SLC17A8: variants seen among roughly 807,000 people sequenced by gnomAD.
SLC17A8 encodes the protein solute carrier family 17 member 8.
In SLC17A8, 31 loss-of-function variants were observed where a neutral mutation model predicts 58.0. That is an observed-to-expected ratio of 0.53 (90% CI 0.40 to 0.72). The LOEUF is 0.72. Ranked by LOEUF, SLC17A8 falls within the 30% of genes least tolerant of loss-of-function variation. SLC17A8 has a pLI of 0.00. For missense variants in SLC17A8, 655 were observed against 727.8 expected, an observed-to-expected ratio of 0.90 and a Z score of 1.15; for synonymous variants, 228 against 249.0, an observed-to-expected ratio of 0.92 and a Z score of 0.79.
At chr12:100,396,522 G>C (rs1952755453) in intron 5 of SLC17A8, 105 bp downstream of exon 5, 1 of 829,036 alleles carries the variant, frequency 1.2e-6, no homozygotes, top group Non-Finnish European at 2.0e-6. Flanking sequence ...GCCGAGGCAG[G>C]AGGATCCCTG....
intron 1 of SLC17A8, among the ~76,000 whole-genome samples, chr12:100,372,472 C>G (rs1486462590): frequency 3.3e-5 from 5 of 152,154 alleles, no homozygotes; most frequent in African/African-American, 1.2e-4. Context: ...CTCAGCCTCC[C>G]AAGTAGCTGG....
intron 2 of SLC17A8, among the ~76,000 whole-genome samples, chr12:100,386,500 A>G (rs1441741757): frequency 6.6e-6 from 1 of 151,546 alleles, no homozygotes; most frequent in Non-Finnish European, 1.5e-5. Context: ...CCATCATTCT[A>G]CTCTTCAAGT....
intron 1 of SLC17A8, among the ~76,000 whole-genome samples, chr12:100,361,830 A>C (rs1372542655): frequency 6.6e-6 from 1 of 152,124 alleles, no homozygotes; most frequent in Non-Finnish European, 1.5e-5. Context: ...GCATAGAGGC[A>C]TGTGCCTATA....
intron 8 of SLC17A8, 30 bp from the exon 9 acceptor site, chr12:100,404,008 C>T (rs1952809228): frequency 6.8e-6 from 11 of 1,613,698 alleles, no homozygotes; most frequent in Non-Finnish European, 9.3e-6. Flanking sequence ...GAAATAATGA[C>T]AAACTGCTTA....
At chr12:100,419,519 C>T (rs7967701) in intron 11 of SLC17A8, among the ~76,000 whole-genome samples, 368 of 145,352 alleles carry the variant, frequency 2.5e-3, no homozygotes, top group African/African-American at 9.0e-3. Context: ...GGTGACAGAG[C>T]GAGACTCCAT....
At position 100,420,336 on chromosome 12, in the gene SLC17A8, C is replaced by A. The variant is rs545750423; in HGVS notation, c.*177C>A. 2 of 604,380 alleles carry A rather than the reference C, an allele frequency of 3.3e-6. No individual in the cohort carries two copies. Among genetic ancestry groups the A allele is most frequent in the Non-Finnish European group, 2.9e-6 (1 of 341,724 alleles). 37.4% of individuals were successfully genotyped at this position (604,380 alleles called of 1,614,324 possible). ...AATGACATGTATAGGTAAGGAGCTG[C>A]GCTCAGTTGATAACATAGTTGATAA... On this transcript the variant is annotated 3_prime_UTR_variant, in exon 12 of 12. Transcript: ENST00000323346.
At chr12:100,419,571 G>A (rs1952932192) in intron 11 of SLC17A8, among the ~76,000 whole-genome samples, 2 of 151,598 alleles carry the variant, frequency 1.3e-5, no homozygotes, top group East Asian at 1.9e-4. Context: ...AAAAAAATAC[G>A]TATTTATTGT....
At position 100,357,463 on chromosome 12, in the gene SLC17A8, C is replaced by T. The variant is rs763925129; in HGVS notation, c.72C>T (p.Ala24=). ...LKPGKEGVKN[A]VGDSLGILQR... ...CTGGGAAGGAAGGAGTGAAGAACGC[C>T]GTGGGAGATTCTTTGGGAATTTTAC... The change falls in exon 1 of 12, where the codon GCC becomes GCT. Residue 24 remains alanine, a synonymous_variant. Coordinates refer to ENST00000323346, the MANE Select transcript of SLC17A8 (RefSeq NM_139319.3). 3.7e-6 allele frequency: 6 copies of T among 1,613,370 alleles called. No individual in the cohort carries two copies. The highest frequency in any genetic ancestry group is 1.1e-5 in the South Asian group (1 of 91,056).
intron 1 of SLC17A8, among the ~76,000 whole-genome samples, chr12:100,367,711 T>C (rs114786442): frequency 0.013 from 2,012 of 152,130 alleles, 50 homozygotes; most frequent in African/African-American, 0.041. Context: ...CCACCATGCT[T>C]GGCTAATTTT....
rs113473865 is a variant in SLC17A8 at position 100,410,419 on chromosome 12, C to T, written c.1187-2351C>T. Reference sequence around the variant, plus strand: ...CTGAGGCAGGAGAAGGGCACGAACCCGGGAGGCAGAGCTTGCAGTGAGCCA... The same window carrying T: ...CTGAGGCAGGAGAAGGGCACGAACCTGGGAGGCAGAGCTTGCAGTGAGCCA... On this transcript the variant is annotated intron_variant, in intron 9 of 11. Coordinates refer to ENST00000323346, the MANE Select transcript of SLC17A8 (RefSeq NM_139319.3). Among the ~76,000 whole-genome samples the T allele has an allele frequency of 4.4e-3, 674 of 151,506 alleles. 4 individuals are homozygous for T. Among genetic ancestry groups the T allele is most frequent in the Middle Eastern group, 0.01 (3 of 294 alleles).
At chr12:100,377,585 ATTTTTTTTTTTTTTTT>A (rs35397911) in intron 1 of SLC17A8, among the ~76,000 whole-genome samples, 1 of 84,034 alleles carries the variant, frequency 1.2e-5, no homozygotes, top group Non-Finnish European at 2.2e-5. Flanking sequence ...ATATATATAT[ATTTTTTTTTTTTTTTT>A]TTTTTTTGAG....
At chr12:100,394,017 C>A (rs534001424) in intron 4 of SLC17A8, among the ~76,000 whole-genome samples, 1 of 152,166 alleles carries the variant, frequency 6.6e-6, no homozygotes, top group Non-Finnish European at 1.5e-5. Flanking sequence ...GGCATGGCTA[C>A]GTTCCAATTA....
chr12:100,401,891 A>G, intron 6 of SLC17A8, 28 bp downstream of exon 6: 3 of 1,540,674 alleles, frequency 1.9e-6, no homozygotes, highest in Non-Finnish European at 2.7e-6. Flanking sequence ...ACAAGTTCAC[A>G]TGTGACTCAT....
intron 2 of SLC17A8, among the ~76,000 whole-genome samples, chr12:100,388,034 C>T (rs996086409): frequency 6.6e-6 from 1 of 152,158 alleles, no homozygotes; most frequent in African/African-American, 2.4e-5. Context: ...TCTCTTCCTC[C>T]TCATTCATTA....
At chr12:100,401,198 T>TAA (rs1169004798) in intron 5 of SLC17A8, among the ~76,000 whole-genome samples, 2 of 151,720 alleles carry the variant, frequency 1.3e-5, no homozygotes, top group Admixed American at 1.3e-4. Context: ...GGGGTTTTGC[T>TAA]ATGTTGACCA....
In SLC17A8 at chr12:100,394,078, A is replaced by C. The variant is rs184034828; in HGVS notation, c.588+595A>C. ...CTTCATATGATTGTTGTGTGCCATT[A>C]AATATTACTCTTCTTTTGATTTTTT... On this transcript the variant is annotated intron_variant, in intron 4 of 11. Coordinates refer to ENST00000323346, the MANE Select transcript of SLC17A8 (RefSeq NM_139319.3). Among the ~76,000 whole-genome samples the C allele has an allele frequency of 5.9e-5, 9 of 152,332 alleles. No homozygotes were observed. In the East Asian group the frequency reaches 1.7e-3, roughly 29 times the overall value.
chr12:100,390,139 A>T (rs1040578718), intron 2 of SLC17A8, among the ~76,000 whole-genome samples: 19 of 151,614 alleles, frequency 1.3e-4, no homozygotes, highest in African/African-American at 4.6e-4. Flanking sequence ...TAGATTTTTG[A>T]TTTTTTGTAG....
At chr12:100,413,804 C>T (rs868254773) in intron 10 of SLC17A8, among the ~76,000 whole-genome samples, 4 of 151,886 alleles carry the variant, frequency 2.6e-5, no homozygotes, top group Non-Finnish European at 5.9e-5. Context: ...GGCAAAACCC[C>T]ATCTCTACAA....
intron 5 of SLC17A8, 69 bp from the exon 6 acceptor site, chr12:100,401,708 G>A: frequency 7.9e-7 from 1 of 1,258,940 alleles, no homozygotes; most frequent in Non-Finnish European, 1.2e-6. Context: ...TTTACCATAT[G>A]AATTCTAAAT....
Sources: gnomAD v4.1 joint callset for allele counts (sites outside exome capture counted in the v4.1 genomes callset) on GRCh38, gnomAD v4.1.1 for gene constraint, MANE v1.5 for transcripts, NCBI Gene and HGNC (gene_info 2026-07-23, HGNC 2026-07-21) for gene names.